Variants in LRRC4C observed in about 807,000 individuals in gnomAD.
The protein encoded by LRRC4C is leucine-rich repeat-containing protein 4C.
A neutral mutation model predicts 33.6 loss-of-function variants in LRRC4C; 5 were observed. The observed-to-expected ratio is 0.15, with a 90% CI of 0.08 to 0.31. The LOEUF is 0.31. LRRC4C is among the 10% of genes least tolerant of loss of function. The pLI, the probability that LRRC4C is intolerant of heterozygous loss-of-function variation, is 1.00. For synonymous variants in LRRC4C, 329 were observed against 302.0 expected (o/e 1.09, Z -0.93); for missense variants, 560 against 796.7 (o/e 0.70, Z 3.58).
intron 1 of LRRC4C, among the ~76,000 whole-genome samples, chr11:40,984,894 T>TTTTTTC (rs1852884295): frequency 2.0e-5 from 1 of 50,974 alleles, no homozygotes; most frequent in Non-Finnish European, 3.7e-5. Context: ...TCACTGACAC[T>TTTTTTC]TTTTTTTTTT....
chr11:40,348,671 C>T (rs1163106228), intron 3 of LRRC4C, among the ~76,000 whole-genome samples: 1 of 152,118 alleles, frequency 6.6e-6, no homozygotes, highest in Non-Finnish European at 1.5e-5. Flanking sequence ...CACCAAAACC[C>T]ATGCAAACTA....
Position 41,006,620 on chromosome 11 carries a change from T to C in LRRC4C, c.-495-72897A>G, listed in dbSNP as rs187425088. 9.4e-4 allele frequency among the ~76,000 whole-genome samples: 142 copies of C among 151,668 alleles called. No individual in the cohort carries two copies. The East Asian group carries it at 0.026, about 28-fold the overall frequency. ...TGTGTATTTCAGTTCTCCATCAGAA[T>C]AATGGCAAATAGAAATATTGTCCCA... On this transcript the variant is annotated intron_variant, in intron 1 of 6. Coordinates refer to ENST00000528697, the MANE Select transcript of LRRC4C (RefSeq NM_001258419.2).
chr11:41,152,391 C>A (rs2135973172), intron 1 of LRRC4C, among the ~76,000 whole-genome samples: 1 of 152,288 alleles, frequency 6.6e-6, no homozygotes, highest in South Asian at 2.1e-4. Context: ...TATTCTGCTT[C>A]AAGGTTACAA....
chr11:40,219,993 C>A (rs1234762272), intron 5 of LRRC4C, among the ~76,000 whole-genome samples: 5 of 152,274 alleles, frequency 3.3e-5, no homozygotes, highest in Middle Eastern at 3.4e-3. Context: ...CCCATAACAT[C>A]ATGTATAACC....
intron 2 of LRRC4C, among the ~76,000 whole-genome samples, chr11:40,662,926 T>C (rs181560833): frequency 1.8e-4 from 27 of 152,290 alleles, no homozygotes; most frequent in Non-Finnish European, 3.2e-4. Flanking sequence ...GAAATAGTAG[T>C]AGTGGTGTGG....
At chr11:41,373,134 G>C (rs1249021127) in intron 1 of LRRC4C, among the ~76,000 whole-genome samples, 1 of 152,060 alleles carries the variant, frequency 6.6e-6, no homozygotes, top group Non-Finnish European at 1.5e-5. Flanking sequence ...AAAGAGTAGA[G>C]TCTATTTAGG....
At chr11:41,079,474 T>G (rs1198972154) in intron 1 of LRRC4C, among the ~76,000 whole-genome samples, 2 of 152,212 alleles carry the variant, frequency 1.3e-5, no homozygotes, top group East Asian at 3.8e-4. Context: ...AAAAAATCTT[T>G]AGGACTATCT....
At chr11:40,963,979 ATC>A (rs1851148072) in intron 1 of LRRC4C, among the ~76,000 whole-genome samples, 1 of 151,040 alleles carries the variant, frequency 6.6e-6, no homozygotes, top group Non-Finnish European at 1.5e-5. Flanking sequence ...TGAGCTCCAC[ATC>A]TCGGTAGGTG....
At chr11:40,230,679 T>C (rs555494201) in intron 5 of LRRC4C, among the ~76,000 whole-genome samples, 73 of 152,240 alleles carry the variant, frequency 4.8e-4, no homozygotes, top group African/African-American at 1.6e-3. Flanking sequence ...AAAAATCCGA[T>C]GGAAATAGGA....
intron 3 of LRRC4C, among the ~76,000 whole-genome samples, chr11:40,525,149 C>T (rs1955989196): frequency 6.6e-6 from 1 of 151,868 alleles, no homozygotes; most frequent in African/African-American, 2.4e-5. Flanking sequence ...AGAAATAAGG[C>T]TTAAGAAAGG....
Position 40,664,838 on chromosome 11 carries a change from A to C in LRRC4C, c.-406-16560T>G, listed in dbSNP as rs888037583. ...TGTGCACAACACGCATGTTTTTTAC[A>C]TATGTATACATGTGCCATGTTGGTG... On this transcript the variant is annotated intron_variant, in intron 2 of 6. Coordinates refer to ENST00000528697, the MANE Select transcript of LRRC4C (RefSeq NM_001258419.2). Among the ~76,000 whole-genome samples, 11 of 152,060 alleles carry C rather than the reference A, an allele frequency of 7.2e-5. No homozygotes were observed. The East Asian group carries it at 2.1e-3, about 29-fold the overall frequency.
At chr11:40,656,586 T>G (rs1359247582) in intron 2 of LRRC4C, among the ~76,000 whole-genome samples, 1 of 152,130 alleles carries the variant, frequency 6.6e-6, no homozygotes, top group Non-Finnish European at 1.5e-5. Context: ...TTTAAGGCCT[T>G]CACGCTCTCG....
At chr11:41,317,501 C>A (rs1950831459) in intron 1 of LRRC4C, among the ~76,000 whole-genome samples, 1 of 152,104 alleles carries the variant, frequency 6.6e-6, no homozygotes, top group Non-Finnish European at 1.5e-5. Context: ...TACTTCCATT[C>A]CCTCTCATTC....
At chr11:41,430,848 T>G (rs1259345566) in intron 1 of LRRC4C, among the ~76,000 whole-genome samples, 1 of 152,020 alleles carries the variant, frequency 6.6e-6, no homozygotes, top group African/African-American at 2.4e-5. Flanking sequence ...GGGCACTTAC[T>G]TACTAGTTGT....
chr11:40,582,821 C>CA (rs1565527121), intron 3 of LRRC4C, among the ~76,000 whole-genome samples: 2 of 140,742 alleles, frequency 1.4e-5, no homozygotes, highest in East Asian at 4.1e-4. Context: ...CCAGCCTGTT[C>CA]AATTTTTTTT....
chr11:40,934,807 C>T (rs1456312731), intron 1 of LRRC4C, among the ~76,000 whole-genome samples: 1 of 151,976 alleles, frequency 6.6e-6, no homozygotes, highest in East Asian at 1.9e-4. Flanking sequence ...TATATTTTAG[C>T]CCAGCCAACT....
At chr11:40,209,724 G>A (rs952636589) in intron 5 of LRRC4C, among the ~76,000 whole-genome samples, 9 of 152,078 alleles carry the variant, frequency 5.9e-5, no homozygotes, top group East Asian at 5.8e-4. Context: ...CATGTGTCAG[G>A]CACTTTGCTG....
intron 2 of LRRC4C, among the ~76,000 whole-genome samples, chr11:40,831,315 G>T (rs919891988): frequency 6.6e-6 from 1 of 152,092 alleles, no homozygotes; most frequent in African/African-American, 2.4e-5. Flanking sequence ...ATTTATGTAT[G>T]TGTATTATAA....
chr11:40,669,622 A>C (rs985613936), intron 2 of LRRC4C, among the ~76,000 whole-genome samples: 1 of 152,210 alleles, frequency 6.6e-6, no homozygotes, highest in Admixed American at 6.5e-5. Context: ...GCTTTCTACT[A>C]AACAAGACCC....
Sources: gnomAD v4.1 joint callset for allele counts (sites outside exome capture counted in the v4.1 genomes callset) on GRCh38, gnomAD v4.1.1 for gene constraint, MANE v1.5 for transcripts, NCBI Gene and HGNC (gene_info 2026-07-23, HGNC 2026-07-21) for gene names.